LRRC37A2: variants seen among roughly 807,000 people sequenced by gnomAD.
LRRC37A2 encodes the protein leucine rich repeat containing 37 member A2.
A neutral mutation model predicts 68.8 loss-of-function variants in LRRC37A2; 9 were observed. The ratio of observed to expected loss-of-function variants is 0.13; its 90% CI spans 0.08 to 0.23. LRRC37A2 has a LOEUF of 0.23. Among genes scored for constraint, LRRC37A2 ranks in the 10% least tolerant of loss-of-function variants. The pLI, the probability that LRRC37A2 is intolerant of heterozygous loss-of-function variation, is 1.00. For synonymous variants in LRRC37A2, 63 were observed against 367.6 expected (o/e 0.17, Z 9.48); for missense variants, 168 against 950.4 (o/e 0.18, Z 10.82).
At chr17:46,687,286 A>G in the LRRC37A2 span, among the ~76,000 whole-genome samples, 1 of 130,968 alleles carries the variant, frequency 7.6e-6, no homozygotes, top group Non-Finnish European at 1.6e-5. Context: ...AGACGTTCAG[A>G]TGTATCTTGC....
the LRRC37A2 span, chr17:46,833,540 G>A: frequency 0.1 from 43,709 of 416,470 alleles, 2,635 homozygotes; most frequent in Middle Eastern, 0.13. Context: ...CACTGCTGGA[G>A]GCCGACCTGA....
the LRRC37A2 span, among the ~76,000 whole-genome samples, chr17:47,026,457 C>T: frequency 1.3e-5 from 2 of 152,180 alleles, no homozygotes; most frequent in African/African-American, 2.4e-5. Flanking sequence ...ACTCCACCCT[C>T]GTAGTTACTG....
At chr17:46,851,621 C>T in the LRRC37A2 span, 3 of 1,249,394 alleles carry the variant, frequency 2.4e-6, no homozygotes, top group Non-Finnish European at 2.0e-6. The surrounding 1 kb of genome is among the most constrained non-coding windows in gnomAD (Gnocchi z 4.3). Flanking sequence ...TGCTAGAGGG[C>T]GCAGCGCCGC....
the LRRC37A2 span, among the ~76,000 whole-genome samples, chr17:46,730,548 TG>T: frequency 6.6e-6 from 1 of 152,196 alleles, no homozygotes; most frequent in African/African-American, 2.4e-5. Context: ...ATTGTTTCTG[TG>T]TTGTAAAACT....
At chr17:46,788,006 A>G in the LRRC37A2 span, among the ~76,000 whole-genome samples, 1 of 150,934 alleles carries the variant, frequency 6.6e-6, no homozygotes, top group African/African-American at 2.4e-5. Context: ...CAGTGACCCC[A>G]CCTCAGTGCA....
chr17:46,739,370 CA>C, the LRRC37A2 span, among the ~76,000 whole-genome samples: 1 of 53,192 alleles, frequency 1.9e-5, no homozygotes, highest in Non-Finnish European at 3.0e-5. Flanking sequence ...GACTCTGTCT[CA>C]AAAAAAAAAA....
chr17:46,978,179 G>A, the LRRC37A2 span: 1 of 176,668 alleles, frequency 5.7e-6, no homozygotes, highest in Admixed American at 6.5e-5. Context: ...GAAGCCCTAC[G>A]GCTGCAGTTT....
At chr17:46,558,621 C>G (rs1332983823), downstream of LRRC37A2, among the ~76,000 whole-genome samples, 1 of 125,932 alleles carries the variant, frequency 7.9e-6, no homozygotes, top group African/African-American at 3.2e-5. Context: ...GAACTCCTGA[C>G]CTCAAGTGAT....
At chr17:46,543,329 C>T (rs1446912779) in intron 8 of LRRC37A2, among the ~76,000 whole-genome samples, 3 of 150,550 alleles carry the variant, frequency 2.0e-5, no homozygotes, top group Non-Finnish European at 4.4e-5. Context: ...TACCTCAGGT[C>T]ATTTACAGTC....
the LRRC37A2 span, among the ~76,000 whole-genome samples, chr17:46,742,020 T>C: frequency 6.6e-6 from 1 of 152,156 alleles, no homozygotes; most frequent in Admixed American, 6.5e-5. Flanking sequence ...TCCCAAAGTG[T>C]TGAGATTATA....
the LRRC37A2 span, among the ~76,000 whole-genome samples, chr17:46,861,928 C>T: frequency 6.6e-6 from 1 of 152,158 alleles, no homozygotes; most frequent in Admixed American, 6.5e-5. Context: ...CTTTGGGAGG[C>T]TGAGGCAGGT....
the LRRC37A2 span, among the ~76,000 whole-genome samples, chr17:46,814,072 A>G: frequency 6.6e-6 from 1 of 152,158 alleles, no homozygotes; most frequent in African/African-American, 2.4e-5. Flanking sequence ...CTCATCGCCA[A>G]AGGTCTTCCC....
At chr17:46,935,905 T>C in the LRRC37A2 span, 129,498 of 985,566 alleles carry the variant, frequency 0.13, 9,410 homozygotes, top group Non-Finnish European at 0.14. Flanking sequence ...TATCAGGGTG[T>C]GGTCCCCTGT....
the LRRC37A2 span, among the ~76,000 whole-genome samples, chr17:46,751,807 A>C: frequency 6.6e-6 from 1 of 152,236 alleles, no homozygotes; most frequent in Non-Finnish European, 1.5e-5. Context: ...TTAACTTCTT[A>C]AAATTCAAAA....
chr17:46,764,692 G>A, the LRRC37A2 span: 1 of 152,300 alleles, frequency 6.6e-6, no homozygotes, highest in Non-Finnish European at 1.5e-5. Context: ...GGGGTTCAAA[G>A]ATCAGAGGCT....
the LRRC37A2 span, among the ~76,000 whole-genome samples, chr17:46,887,388 C>G: frequency 6.6e-6 from 1 of 151,622 alleles, no homozygotes; most frequent in African/African-American, 2.4e-5. Context: ...GGGAGTAGAA[C>G]TAAGCAAGCA....
the LRRC37A2 span, among the ~76,000 whole-genome samples, chr17:46,707,592 A>G: frequency 6.6e-6 from 1 of 152,072 alleles, no homozygotes; most frequent in Admixed American, 6.6e-5. Context: ...CATCTTTATG[A>G]ATTTCAGTAA....
At chr17:46,752,764 C>CTTTTTTTCTT in the LRRC37A2 span, among the ~76,000 whole-genome samples, 2 of 151,676 alleles carry the variant, frequency 1.3e-5, no homozygotes, top group Non-Finnish European at 2.9e-5. Context: ...CCCTCGGTAA[C>CTTTTTTTCTT]TTTTTTTCTT....
the LRRC37A2 span, chr17:46,938,841 G>A: frequency 6.2e-7 from 1 of 1,604,608 alleles, no homozygotes; most frequent in Non-Finnish European, 8.5e-7. Flanking sequence ...GGGGCCCAGA[G>A]GCCGCCTTTT....
Sources: gnomAD v4.1 joint callset for allele counts (sites outside exome capture counted in the v4.1 genomes callset) on GRCh38, gnomAD v4.1.1 for gene constraint, Gnocchi (gnomAD v3.1) non-coding constraint, MANE v1.5 for transcripts, NCBI Gene and HGNC (gene_info 2026-07-23, HGNC 2026-07-21) for gene names.